The following ADGRV1 variants were observed in gnomAD, a reference collection of about 807,000 sequenced individuals.
ADGRV1 encodes G-protein coupled receptor 98.
A neutral mutation model predicts 596.2 loss-of-function variants in ADGRV1; 359 were observed. The ratio of observed to expected loss-of-function variants is 0.60; its 90% confidence interval spans 0.55 to 0.66. ADGRV1 has a LOEUF of 0.66. Among genes scored for constraint, ADGRV1 ranks in the 30% least tolerant of loss-of-function variants. The pLI is 0.00. For synonymous variants in ADGRV1, 2,681 were observed against 2,679.2 expected (o/e 1.00, Z -0.02); for missense variants, 7,274 against 7,575.6 (o/e 0.96, Z 1.48).
chr5:90,986,056 T>A (rs1780468270), intron 85 of ADGRV1, among the ~76,000 whole-genome samples: 1 of 147,560 alleles, frequency 6.8e-6, no homozygotes, highest in Non-Finnish European at 1.5e-5. Flanking sequence ...ATCTTAACAC[T>A]TTTTTATGTA....
intron 85 of ADGRV1, among the ~76,000 whole-genome samples, chr5:91,014,175 CCCCTAG>C (rs1782983695): frequency 2.1e-5 from 3 of 143,586 alleles, no homozygotes; most frequent in Non-Finnish European, 3.0e-5. Flanking sequence ...CACACACACA[CCCCTAG>C]ACATACAGCT....
chr5:91,129,404 G>T (rs997015556), intron 87 of ADGRV1, among the ~76,000 whole-genome samples: 4 of 152,128 alleles, frequency 2.6e-5, no homozygotes, highest in African/African-American at 4.8e-5. Context: ...GTTTAATGAT[G>T]GGTAGGGTAT....
chr5:90,576,368 GT>G lies in ADGRV1; in HGVS notation c.22+17455del, dbSNP rs1349647396. 2.6e-5 allele frequency among the ~76,000 whole-genome samples: 4 copies of G among 151,988 alleles called. No individual in the cohort carries two copies. In the East Asian group the frequency reaches 7.7e-4, roughly 29 times the overall value. Reference sequence around the variant, plus strand: ...TATGAGTGAGAACATGTGGTGTTTGGTTTTCTGTTGTTGTGATAGTTTGCTG... The same window carrying G: ...TATGAGTGAGAACATGTGGTGTTTGGTTTCTGTTGTTGTGATAGTTTGCTG... On this transcript the variant is annotated intron_variant, in intron 1 of 89. Transcript: ENST00000405460.
intron 50 of ADGRV1, among the ~76,000 whole-genome samples, chr5:90,730,418 T>G (rs909633090): frequency 3.3e-5 from 5 of 152,158 alleles, no homozygotes; most frequent in African/African-American, 1.2e-4. Flanking sequence ...TATGAAAGTA[T>G]GTATATGGCA....
At chr5:90,882,008 C>T (rs1203816901) in intron 83 of ADGRV1, among the ~76,000 whole-genome samples, 1 of 152,170 alleles carries the variant, frequency 6.6e-6, no homozygotes, top group Non-Finnish European at 1.5e-5. Context: ...CTGCACCCAG[C>T]CTGCTTTTCA....
intron 86 of ADGRV1, among the ~76,000 whole-genome samples, chr5:91,094,993 G>A (rs1352987502): frequency 1.3e-5 from 2 of 152,278 alleles, no homozygotes; most frequent in South Asian, 2.1e-4. Flanking sequence ...ATTTGCAACC[G>A]TATCTGGAGA....
chr5:91,047,238 T>C (rs79637672), intron 85 of ADGRV1, among the ~76,000 whole-genome samples: 3,276 of 152,300 alleles, frequency 0.022, 103 homozygotes, highest in African/African-American at 0.074. Flanking sequence ...AAAAAGATAA[T>C]ATCCTTTATT....
intron 83 of ADGRV1, among the ~76,000 whole-genome samples, chr5:90,912,766 T>G (rs1773006723): frequency 6.6e-6 from 1 of 152,174 alleles, no homozygotes; most frequent in Admixed American, 6.5e-5. Context: ...TTCTTATGGC[T>G]GCAAAGTATC....
intron 87 of ADGRV1, among the ~76,000 whole-genome samples, chr5:91,119,922 G>A (rs1458809687): frequency 2.0e-5 from 3 of 152,156 alleles, no homozygotes; most frequent in African/African-American, 4.8e-5. Context: ...TTGGCCTTTC[G>A]GACCCTTTTG....
chr5:91,107,762 G>A (rs1039498450), intron 87 of ADGRV1, among the ~76,000 whole-genome samples: 6 of 152,154 alleles, frequency 3.9e-5, no homozygotes, highest in Admixed American at 1.3e-4. Context: ...ATCTGTAATT[G>A]AGCCAGTCAG....
At chr5:90,992,378 G>A (rs1781044768) in intron 85 of ADGRV1, among the ~76,000 whole-genome samples, 1 of 152,042 alleles carries the variant, frequency 6.6e-6, no homozygotes, top group Non-Finnish European at 1.5e-5. Flanking sequence ...CACAACCTTA[G>A]CTTTTCTGAT....
chr5:90,805,175 C>T (rs1761783122), intron 71 of ADGRV1, 109 bp from the exon 72 acceptor site: 2 of 699,782 alleles, frequency 2.9e-6, no homozygotes, highest in Non-Finnish European at 4.3e-6. Flanking sequence ...CAGTATGAGA[C>T]AAGGATATAT....
In ADGRV1 at chr5:90,807,682, T is replaced by C. The variant is rs1180112258; in HGVS notation, c.14917T>C (p.Phe4973Leu). ...TFPSPGWPEAFVLHLSGVQSS... is the reference protein window; with the variant it reads ...TFPSPGWPEALVLHLSGVQSS... Reference sequence around the variant, plus strand: ...TCCTAGCCCTGGTTGGCCAGAGGCCTTTGTTCTTCACCTATCAGGAGTGCA... The same window carrying C: ...TCCTAGCCCTGGTTGGCCAGAGGCCCTTGTTCTTCACCTATCAGGAGTGCA... The change falls in exon 73 of 90, where the codon TTT becomes CTT. Residue 4973 changes from phenylalanine (F) to leucine (L), a missense_variant. This residue lies in a region of ADGRV1 where 1,874 missense variants were observed against 1,970.2 expected (regional missense o/e 0.95). Coordinates refer to ENST00000405460, the MANE Select transcript of ADGRV1 (RefSeq NM_032119.4). The C allele has an allele frequency of 1.2e-6, 2 of 1,611,616 alleles. No homozygotes were observed. The highest frequency in any genetic ancestry group is 1.7e-6 in the Non-Finnish European group (2 of 1,178,206).
intron 83 of ADGRV1, among the ~76,000 whole-genome samples, chr5:90,935,166 G>C (rs941759820): frequency 2.0e-5 from 3 of 152,198 alleles, no homozygotes; most frequent in African/African-American, 7.2e-5. Flanking sequence ...ATCAGTGAAA[G>C]TATTAAGCAT....
intron 15 of ADGRV1, 120 bp from the exon 16 acceptor site, chr5:90,645,848 A>C (rs2149440735): frequency 1.4e-6 from 1 of 713,588 alleles, no homozygotes. Context: ...GCCTCCGAAA[A>C]GGAAATGAAT....
chr5:91,001,153 C>T (rs1435307599), intron 85 of ADGRV1, among the ~76,000 whole-genome samples: 1 of 152,166 alleles, frequency 6.6e-6, no homozygotes, highest in Non-Finnish European at 1.5e-5. Context: ...TAATGGCTCA[C>T]TACAGCCTCA....
intron 61 of ADGRV1, 149 bp from the exon 62 acceptor site, chr5:90,777,756 T>G: frequency 1.5e-6 from 1 of 659,612 alleles, no homozygotes; most frequent in East Asian, 2.9e-5. Flanking sequence ...AAGACTTCCT[T>G]TGGTTTATAG....
At chr5:91,005,203 T>C (rs1303828242) in intron 85 of ADGRV1, among the ~76,000 whole-genome samples, 2 of 152,150 alleles carry the variant, frequency 1.3e-5, no homozygotes, top group African/African-American at 2.4e-5. Flanking sequence ...TGCTAAAATA[T>C]CACCTAAGAT....
Position 90,823,479 on chromosome 5 carries a change from C to G in ADGRV1, c.16251C>G (p.Val5417=), listed in dbSNP as rs369762787. The G allele has an allele frequency of 6.2e-7, 1 of 1,613,774 alleles. No individual in the cohort carries two copies. Among genetic ancestry groups the G allele is most frequent in the Non-Finnish European group, 8.5e-7 (1 of 1,179,864 alleles). The change falls in exon 76 of 90, where the codon GTC becomes GTG. Residue 5417 remains valine (V), a synonymous_variant. Transcript: ENST00000405460. Reference sequence around the variant, plus strand: ...GAGTCACACTTAACAAAACAGTCGTCGTGCTCCAGAAGGATGGGGTAAACC... The same window carrying G: ...GAGTCACACTTAACAAAACAGTCGTGGTGCTCCAGAAGGATGGGGTAAACC... ...FWRVTLNKTV[V]VLQKDGVNLV...
Sources: allele counts gnomAD v4.1 joint callset (sites outside exome capture counted in the v4.1 genomes callset), GRCh38; gene constraint gnomAD v4.1.1; regional missense constraint gnomAD v4.1.1; transcripts MANE v1.5; gene names NCBI Gene and HGNC (gene_info 2026-07-23, HGNC 2026-07-21).